Variants in PHF14 observed in about 807,000 individuals in gnomAD.
PHF14 encodes the protein PHD finger protein 14.
In PHF14, 55 loss-of-function variants were observed where a neutral mutation model predicts 117.9. The observed-to-expected ratio is 0.47, with a 90% CI of 0.38 to 0.58. PHF14 has a LOEUF of 0.58. Among genes scored for constraint, PHF14 ranks in the 20% least tolerant of loss-of-function variants. The pLI is 0.00. For synonymous variants in PHF14, 409 were observed against 368.6 expected, an observed-to-expected ratio of 1.11 and a Z score of -1.26; for missense variants, 978 against 1,122.2, an observed-to-expected ratio of 0.87 and a Z score of 1.84.
intron 2 of PHF14, among the ~76,000 whole-genome samples, chr7:10,978,050 G>A (rs1460864378): frequency 6.6e-6 from 1 of 152,122 alleles, no homozygotes; most frequent in South Asian, 2.1e-4. Flanking sequence ...AAAGTAAAAT[G>A]GGGTTAACTT....
chr7:11,006,014 G>T (rs980671823), intron 4 of PHF14, among the ~76,000 whole-genome samples: 1 of 151,990 alleles, frequency 6.6e-6, no homozygotes, highest in Admixed American at 6.5e-5. Context: ...GGTTGGTCTC[G>T]ATCTCCAGAC....
intron 16 of PHF14, chr7:11,103,604 G>A (rs897935574): frequency 1.0e-6 from 1 of 982,612 alleles, no homozygotes; most frequent in African/African-American, 1.8e-5. Context: ...CATGTAAATT[G>A]TCAACATGTA....
Position 11,022,948 on chromosome 7 carries a change from C to A in PHF14, c.1286C>A (p.Thr429Lys). ...GACAAATTACGACCAGTAACACTAA[C>A]GGAAATGAACTATTCCAAATATGGT... ...DIDKLRPVTL[T>K]EMNYSKYGAK... Residue 429 changes from threonine (T) to lysine (K), a missense_variant, in exon 6 of 18, where the codon ACG becomes AAG. Physicochemically the swap from Thr to Lys is moderately conservative, Grantham distance 78 (BLOSUM62 -1). This residue lies in a region of PHF14 where 86 missense variants were observed against 137.8 expected (regional missense o/e 0.62). Transcript: ENST00000634607. The A allele has an allele frequency of 1.2e-6, 2 of 1,605,796 alleles. No homozygotes were observed. The highest frequency in any genetic ancestry group is 1.1e-5 in the South Asian group (1 of 89,964).
At position 11,035,716 on chromosome 7, in the gene PHF14, A is replaced by G. The variant is rs766592086; in HGVS notation, c.1532A>G (p.Tyr511Cys). ...RLDRKWKRKN[Y>C]LALQSYCKMS... is the part of the protein sequence containing the mutation. ...GACAGAAAGTGGAAGAGAAAAAACT[A>G]CTTGGCTCTACAGTCCTATTGTAAA... is the stretch of plus-strand genomic sequence containing the variant. The change falls in exon 8 of 18, where the codon TAC becomes TGC. Residue 511 changes from tyrosine (Y) to cysteine (C), a missense_variant. Tyr to Cys is a radical substitution (Grantham distance 194). Coordinates refer to ENST00000634607, the MANE Select transcript of PHF14 (RefSeq NM_001007157.2). 3.1e-5 allele frequency: 50 copies of G among 1,610,948 alleles called. No homozygotes were observed. The highest frequency in any genetic ancestry group is 4.2e-5 in the Non-Finnish European group (49 of 1,177,398).
In PHF14 at chr7:10,991,052, A is replaced by C. The variant is rs529138237; in HGVS notation, c.1045+205A>C. ...GTCGCCCAGGCTGGAGTGCAGTGGC[A>C]CAATCTCGGTTCACTGCAACCTCCA... is the stretch of plus-strand genomic sequence containing the variant. On this transcript the variant is annotated intron_variant, in intron 4 of 17. Transcript: ENST00000634607. Among the ~76,000 whole-genome samples the C allele has an allele frequency of 3.1e-4, 47 of 151,224 alleles. No homozygotes were observed. In the East Asian group the frequency reaches 8.6e-3, roughly 28 times the overall value.
chr7:11,039,814 G>A (rs549880776), intron 11 of PHF14, among the ~76,000 whole-genome samples: 15 of 152,228 alleles, frequency 9.9e-5, no homozygotes, highest in Admixed American at 2.0e-4. Flanking sequence ...ATTAGTAGTC[G>A]CCTCTGGGAG....
intron 16 of PHF14, among the ~76,000 whole-genome samples, chr7:11,081,557 C>T (rs1157139609): frequency 6.6e-6 from 1 of 152,108 alleles, no homozygotes; most frequent in East Asian, 1.9e-4. Context: ...AAGTTAGAAT[C>T]GTCCCATATT....
At chr7:11,150,735 G>T (rs1255515362) in intron 17 of PHF14, among the ~76,000 whole-genome samples, 2 of 152,094 alleles carry the variant, frequency 1.3e-5, no homozygotes, top group Non-Finnish European at 2.9e-5. Context: ...GCTGTTTGTG[G>T]TGTGTGTGAA....
intron 17 of PHF14, among the ~76,000 whole-genome samples, chr7:11,131,249 C>G (rs1476405040): frequency 6.6e-6 from 1 of 151,898 alleles, no homozygotes; most frequent in Non-Finnish European, 1.5e-5. Context: ...GCCAAACTGT[C>G]TTCCAAAATG....
At chr7:11,076,650 C>T (rs1462190412) in intron 16 of PHF14, among the ~76,000 whole-genome samples, 2 of 150,560 alleles carry the variant, frequency 1.3e-5, no homozygotes, top group African/African-American at 4.9e-5. Flanking sequence ...TCACTGCAAC[C>T]TCTACCTCCG....
rs1202169558 is a variant in PHF14 at position 10,982,587 on chromosome 7, A to G, written c.328A>G (p.Arg110Gly). ...GAAGGAAGAAGAAGAAAATGGAGAA[A>G]GACCTAGAAAGAAAAAGGAGAAAGA... ...EKKEEEENGE[R>G]PRKKKEKEKE... The change falls in exon 3 of 18, where the codon AGA becomes GGA. Residue 110 changes from arginine to glycine, a missense_variant. This residue lies in a region of PHF14 where 414 missense variants were observed against 376.4 expected (regional missense o/e 1.10). Coordinates refer to ENST00000634607, the MANE Select transcript of PHF14 (RefSeq NM_001007157.2). 4.0e-6 allele frequency: 6 copies of G among 1,501,664 alleles called. No homozygotes were observed. Among genetic ancestry groups the G allele is most frequent in the African/African-American group, 1.4e-5 (1 of 71,446 alleles). The allele number at this position is 1,501,664 out of a possible 1,614,324, so 93.0% of individuals were successfully genotyped here.
chr7:11,036,278 C>T, intron 8 of PHF14, 140 bp from the exon 9 acceptor site: 1 of 682,718 alleles, frequency 1.5e-6, no homozygotes, highest in Non-Finnish European at 2.5e-6. Flanking sequence ...CCTTAAGGAT[C>T]ATTCATACCT....
At chr7:11,125,520 T>G (rs1181669017) in intron 17 of PHF14, among the ~76,000 whole-genome samples, 1 of 152,092 alleles carries the variant, frequency 6.6e-6, no homozygotes, top group Admixed American at 6.6e-5. Flanking sequence ...GACAATTCTT[T>G]TGTTAATTCT....
rs1787793774 is a variant in PHF14 at position 11,122,377 on chromosome 7, A to ACACACACACACACG, written c.2772+10918_2772+10919insCACACGCACACACA. On this transcript the variant is annotated intron_variant, in intron 17 of 17. Coordinates refer to ENST00000634607, the MANE Select transcript of PHF14 (RefSeq NM_001007157.2). ...TACACACACACACACACACACACAC[A>ACACACACACACACG]CACACACATACATACACACACATAT... is the stretch of plus-strand genomic sequence containing the variant. 6.3e-5 allele frequency among the ~76,000 whole-genome samples: 8 copies of ACACACACACACACG among 127,932 alleles called. No individual in the cohort carries two copies. The South Asian group carries it at 1.7e-3, about 27-fold the overall frequency. 83.9% of individuals were successfully genotyped at this position (127,932 alleles called of 152,430 possible).
At chr7:11,076,573 T>C (rs905997886) in intron 16 of PHF14, among the ~76,000 whole-genome samples, 13 of 147,698 alleles carry the variant, frequency 8.8e-5, no homozygotes, top group African/African-American at 2.5e-4. Flanking sequence ...TTTTCTTTTT[T>C]TTTTTTTTTT....
At chr7:11,043,367 CTTAAT>C in intron 13 of PHF14, among the ~76,000 whole-genome samples, 1 of 151,428 alleles carries the variant, frequency 6.6e-6, no homozygotes, top group Admixed American at 6.6e-5. Context: ...TTATCCTTTT[CTTAAT>C]TTTACTCCAA....
chr7:11,150,250 G>T (rs1788667583), intron 17 of PHF14, among the ~76,000 whole-genome samples: 1 of 152,030 alleles, frequency 6.6e-6, no homozygotes, highest in Non-Finnish European at 1.5e-5. Flanking sequence ...GAATGCTTAT[G>T]GTTATTGTTA....
chr7:11,055,252 A>T (rs1412680721), intron 14 of PHF14, among the ~76,000 whole-genome samples: 1 of 152,152 alleles, frequency 6.6e-6, no homozygotes, highest in African/African-American at 2.4e-5. Flanking sequence ...AGTTACTTTA[A>T]AATTGGTGTT....
At chr7:11,022,063 T>G (rs762403244) in intron 5 of PHF14, among the ~76,000 whole-genome samples, 9 of 152,072 alleles carry the variant, frequency 5.9e-5, no homozygotes, top group Non-Finnish European at 1.3e-4. Flanking sequence ...TTTGTTTTGT[T>G]GTAAGCAAGC....
Sources: gnomAD v4.1 joint callset for allele counts (sites outside exome capture counted in the v4.1 genomes callset) on GRCh38, gnomAD v4.1.1 for gene constraint, gnomAD v4.1.1 regional missense constraint, MANE v1.5 for transcripts, NCBI Gene and HGNC (gene_info 2026-07-23, HGNC 2026-07-21) for gene names.